Variants in CNTLN observed in about 807,000 individuals in gnomAD.
The protein encoded by CNTLN is centlein.
CNTLN carries 212 observed loss-of-function variants against 180.0 expected under a neutral mutation model. That is an observed-to-expected ratio of 1.18 (90% confidence interval 1.05 to 1.32). The LOEUF (loss-of-function observed/expected upper bound fraction) is 1.32. CNTLN is among the 40% of genes most tolerant of loss of function. The pLI, the probability that CNTLN is intolerant of heterozygous loss-of-function variation, is 0.00. For missense variants in CNTLN, 2,095 were observed against 1,610.9 expected, an observed-to-expected ratio of 1.30 and a Z score of -5.14; for synonymous variants, 722 against 563.1, an observed-to-expected ratio of 1.28 and a Z score of -3.99.
chr9:17,436,763 T>C (rs1434256702), intron 18 of CNTLN, among the ~76,000 whole-genome samples: 1 of 152,232 alleles, frequency 6.6e-6, no homozygotes, highest in African/African-American at 2.4e-5. Flanking sequence ...ATTGTTTTTT[T>C]CCTGTCAGGA....
intron 18 of CNTLN, among the ~76,000 whole-genome samples, chr9:17,453,659 C>A (rs1364174883): frequency 1.3e-5 from 2 of 152,162 alleles, no homozygotes; most frequent in African/African-American, 4.8e-5. Context: ...CAGAATGTGG[C>A]AAGGTTGCAA....
At chr9:17,380,239 G>A (rs970382251) in intron 13 of CNTLN, among the ~76,000 whole-genome samples, 5 of 152,160 alleles carry the variant, frequency 3.3e-5, no homozygotes, top group African/African-American at 1.2e-4. Context: ...TGAGGCATTG[G>A]GGGAGGGTAT....
chr9:17,180,087 T>C (rs1821024870), intron 2 of CNTLN, among the ~76,000 whole-genome samples: 1 of 151,822 alleles, frequency 6.6e-6, no homozygotes, highest in African/African-American at 2.4e-5. Flanking sequence ...TTAGTTACTA[T>C]ATAGTTGCAT....
At chr9:17,203,893 C>T (rs1472666410) in intron 2 of CNTLN, among the ~76,000 whole-genome samples, 1 of 152,158 alleles carries the variant, frequency 6.6e-6, no homozygotes, top group Non-Finnish European at 1.5e-5. Flanking sequence ...TGTCTTCACA[C>T]TTTCTTTCGG....
At chr9:17,473,533 G>A (rs1056417270) in intron 23 of CNTLN, among the ~76,000 whole-genome samples, 1 of 147,436 alleles carries the variant, frequency 6.8e-6, no homozygotes, top group Non-Finnish European at 1.5e-5. Context: ...CCTACACTTT[G>A]TATCACCAAT....
chr9:17,303,867 G>A (rs910136226), intron 7 of CNTLN, among the ~76,000 whole-genome samples: 8 of 152,026 alleles, frequency 5.3e-5, no homozygotes, highest in African/African-American at 1.9e-4. Flanking sequence ...TAAGACTCAG[G>A]TGAGTTGAAT....
intron 6 of CNTLN, among the ~76,000 whole-genome samples, chr9:17,280,064 G>C (rs1181843386): frequency 6.6e-6 from 1 of 152,150 alleles, no homozygotes; most frequent in African/African-American, 2.4e-5. Flanking sequence ...TTGGACTTCT[G>C]TAAGAATAAC....
At chr9:17,299,426 A>G in intron 7 of CNTLN, 1 of 969,334 alleles carries the variant, frequency 1.0e-6, no homozygotes, top group Non-Finnish European at 1.2e-6. Context: ...CTCTAGAATT[A>G]CTGGATTTTT....
intron 2 of CNTLN, among the ~76,000 whole-genome samples, chr9:17,150,702 T>C (rs950575282): frequency 6.6e-6 from 1 of 152,196 alleles, no homozygotes; most frequent in African/African-American, 2.4e-5. Flanking sequence ...CAGTGGTAGC[T>C]TGATGGGGAC....
chr9:17,498,136 T>A (rs570389644), intron 25 of CNTLN, among the ~76,000 whole-genome samples: 1 of 152,300 alleles, frequency 6.6e-6, no homozygotes, highest in African/African-American at 2.4e-5. Context: ...ATTGTTAATT[T>A]TGTCCTTTAT....
intron 6 of CNTLN, among the ~76,000 whole-genome samples, chr9:17,285,245 A>G (rs193297552): frequency 8.3e-4 from 122 of 146,292 alleles, no homozygotes; most frequent in African/African-American, 2.8e-3. Flanking sequence ...ATGAGTGAGT[A>G]TATGCCGTGT....
At chr9:17,262,276 G>A (rs531200307) in intron 5 of CNTLN, among the ~76,000 whole-genome samples, 6 of 151,278 alleles carry the variant, frequency 4.0e-5, no homozygotes, top group African/African-American at 7.4e-5. Context: ...ACATGCACAC[G>A]TATGTTTATT....
intron 19 of CNTLN, among the ~76,000 whole-genome samples, chr9:17,459,076 C>T (rs1831304033): frequency 6.6e-6 from 1 of 151,686 alleles, no homozygotes; most frequent in South Asian, 2.1e-4. Flanking sequence ...TTGTTTTTCA[C>T]CAAGATAAAA....
chr9:17,358,208 A>G (rs1823004040), intron 12 of CNTLN, among the ~76,000 whole-genome samples: 1 of 152,068 alleles, frequency 6.6e-6, no homozygotes, highest in Admixed American at 6.6e-5. Context: ...GAACAATTAG[A>G]AGCAATCTAA....
chr9:17,274,068 G>A (rs1215456536), intron 6 of CNTLN, among the ~76,000 whole-genome samples: 2 of 152,202 alleles, frequency 1.3e-5, no homozygotes, highest in Non-Finnish European at 2.9e-5. Context: ...AGGATTGGAC[G>A]AGCATGGTCA....
At chr9:17,471,827 A>G (rs987405226) in intron 23 of CNTLN, among the ~76,000 whole-genome samples, 1 of 152,108 alleles carries the variant, frequency 6.6e-6, no homozygotes, top group Non-Finnish European at 1.5e-5. Flanking sequence ...TAAAGGCCAG[A>G]TGGAAGTAGC....
intron 2 of CNTLN, among the ~76,000 whole-genome samples, chr9:17,207,154 C>T (rs777750482): frequency 1.3e-5 from 2 of 152,228 alleles, no homozygotes; most frequent in African/African-American, 4.8e-5. Flanking sequence ...ATGTGTGTCT[C>T]TATTTTCCCT....
intron 5 of CNTLN, among the ~76,000 whole-genome samples, chr9:17,254,191 C>T (rs1306044999): frequency 6.6e-6 from 1 of 151,620 alleles, no homozygotes; most frequent in East Asian, 1.9e-4. Flanking sequence ...ACTTGTATAT[C>T]ATCTTTGGAG....
At chr9:17,261,043 T>C (rs1168127137) in intron 5 of CNTLN, among the ~76,000 whole-genome samples, 1 of 151,480 alleles carries the variant, frequency 6.6e-6, no homozygotes, top group East Asian at 1.9e-4. Flanking sequence ...GTGTCTGTTT[T>C]TGTACCAATA....
Sources: allele counts gnomAD v4.1 joint callset (sites outside exome capture counted in the v4.1 genomes callset), GRCh38; gene constraint gnomAD v4.1.1; transcripts MANE v1.5; gene names NCBI Gene and HGNC (gene_info 2026-07-23, HGNC 2026-07-21).